CDH18: variants seen among roughly 807,000 people sequenced by gnomAD.
CDH18 encodes cadherin 18, also known as cadherin-18.
A neutral mutation model predicts 67.9 loss-of-function variants in CDH18; 31 were observed. The observed-to-expected ratio is 0.46, with a 90% CI of 0.34 to 0.62. The LOEUF is 0.62. Ranked by LOEUF, CDH18 falls within the 20% of genes least tolerant of loss-of-function variation. The pLI, the probability that CDH18 is intolerant of heterozygous loss-of-function variation, is 0.01. For synonymous variants in CDH18, 362 were observed against 347.2 expected, an observed-to-expected ratio of 1.04 and a Z score of -0.48; for missense variants, 890 against 975.5, an observed-to-expected ratio of 0.91 and a Z score of 1.17.
chr5:19,499,256 T>A (rs1182377726), intron 11 of CDH18, among the ~76,000 whole-genome samples: 2 of 152,190 alleles, frequency 1.3e-5, no homozygotes, highest in African/African-American at 2.4e-5. Flanking sequence ...GACATTACAG[T>A]TACAGTCTTT....
intron 3 of CDH18, among the ~76,000 whole-genome samples, chr5:19,819,116 A>T (rs2149935388): frequency 6.6e-6 from 1 of 151,974 alleles, no homozygotes; most frequent in Non-Finnish European, 1.5e-5. Context: ...ATCATTTATT[A>T]TTACAAAGTT....
chr5:19,820,973 C>CA (rs1474138209), intron 3 of CDH18, among the ~76,000 whole-genome samples: 2 of 152,022 alleles, frequency 1.3e-5, no homozygotes, highest in African/African-American at 4.8e-5. Flanking sequence ...ACAGAAACTT[C>CA]AAAAAAATAA....
intron 1 of CDH18, among the ~76,000 whole-genome samples, chr5:20,267,288 CTA>C (rs1246661793): frequency 6.6e-6 from 1 of 152,044 alleles, no homozygotes; most frequent in African/African-American, 2.4e-5. Flanking sequence ...TTCCATTTTT[CTA>C]TGTGTTTATT....
chr5:19,580,128 T>A (rs1381799676), intron 7 of CDH18, among the ~76,000 whole-genome samples: 1 of 151,852 alleles, frequency 6.6e-6, no homozygotes, highest in Non-Finnish European at 1.5e-5. Flanking sequence ...CTAAGGTAAT[T>A]AGCATATTGT....
intron 8 of CDH18, among the ~76,000 whole-genome samples, chr5:19,546,924 A>C (rs1736425824): frequency 6.6e-6 from 1 of 152,194 alleles, no homozygotes; most frequent in South Asian, 2.1e-4. Flanking sequence ...GTATATGTTA[A>C]TTGAAAAAAG....
At chr5:20,089,357 T>A (rs1745236764) in intron 2 of CDH18, among the ~76,000 whole-genome samples, 1 of 152,152 alleles carries the variant, frequency 6.6e-6, no homozygotes, top group Non-Finnish European at 1.5e-5. Flanking sequence ...TATGTGTATA[T>A]CAAGTGATTA....
rs937310517 is a variant in CDH18 at position 19,732,277 on chromosome 5, C to CA, written c.524-10812dup. ...GCAACATAGAGATACCTAGTTTCTACAAAAAAAAAAGTTTTTAAAATAAAA... is the reference window on the plus strand; with the variant it reads ...GCAACATAGAGATACCTAGTTTCTACAAAAAAAAAAAGTTTTTAAAATAAAA... On this transcript the variant is annotated intron_variant, in intron 4 of 12. Coordinates refer to ENST00000382275, the MANE Select transcript of CDH18 (RefSeq NM_004934.5). Among the ~76,000 whole-genome samples the CA allele has an allele frequency of 5.6e-4, 82 of 145,156 alleles. 1 individual carries two copies. The South Asian group carries it at 9.6e-3, about 17-fold the overall frequency.
intron 5 of CDH18, among the ~76,000 whole-genome samples, chr5:19,711,396 TACAACAACA>T (rs112963492): frequency 4.0e-5 from 6 of 150,638 alleles, no homozygotes; most frequent in South Asian, 2.1e-4. Context: ...ACTCATAAAC[TACAACAACA>T]ACAACAACAA....
chr5:20,560,468 TACACAC>T (rs547246325), intron 1 of CDH18, among the ~76,000 whole-genome samples: 4,818 of 127,672 alleles, frequency 0.038, 85 homozygotes, highest in Middle Eastern at 0.1. Context: ...CCAACACTCA[TACACAC>T]ACACACACAC....
intron 2 of CDH18, among the ~76,000 whole-genome samples, chr5:19,931,102 T>A (rs981383972): frequency 3.9e-5 from 6 of 152,012 alleles, no homozygotes; most frequent in African/African-American, 1.4e-4. Context: ...ACATGAGGTA[T>A]AGCATTTAAA....
intron 1 of CDH18, among the ~76,000 whole-genome samples, chr5:20,527,301 G>T (rs1283932559): frequency 6.6e-6 from 1 of 152,040 alleles, no homozygotes; most frequent in Middle Eastern, 3.2e-3. Context: ...GTACCCAAAA[G>T]AGATGAGGAA....
chr5:20,133,947 C>T (rs1350391941), intron 2 of CDH18, among the ~76,000 whole-genome samples: 1 of 152,104 alleles, frequency 6.6e-6, no homozygotes, highest in Non-Finnish European at 1.5e-5. Flanking sequence ...ATATGTCTTA[C>T]AACTTTTGAT....
intron 2 of CDH18, among the ~76,000 whole-genome samples, chr5:19,974,708 A>C (rs1579900250): frequency 6.6e-6 from 1 of 152,122 alleles, no homozygotes. Context: ...GAATAGAGGC[A>C]AGAGATAGGA....
chr5:20,519,016 A>G (rs936911291), intron 1 of CDH18, among the ~76,000 whole-genome samples: 10 of 152,138 alleles, frequency 6.6e-5, no homozygotes, highest in African/African-American at 2.4e-4. Flanking sequence ...TATTTAGAAA[A>G]CAGAAAAAGC....
chr5:20,372,601 A>G (rs1397759784), intron 1 of CDH18, among the ~76,000 whole-genome samples: 1 of 152,218 alleles, frequency 6.6e-6, no homozygotes, highest in Non-Finnish European at 1.5e-5. Flanking sequence ...ATCAGTTAAT[A>G]GTTAATTTAG....
In CDH18 at chr5:19,906,999, T is replaced by C. The variant is rs116686381; in HGVS notation, c.-256-67757A>G. Among the ~76,000 whole-genome samples, 882 of 152,042 alleles carry C rather than the reference T, an allele frequency of 5.8e-3. 12 individuals carry two copies. The highest frequency in any genetic ancestry group is 0.02 in the African/African-American group (836 of 41,530). ...AAGATAACTTTCAAATGATAAATAA[T>C]AAAATAATAGTGTTTTGTCTACTCT... On this transcript the variant is annotated intron_variant, in intron 2 of 12. Coordinates refer to ENST00000382275, the MANE Select transcript of CDH18 (RefSeq NM_004934.5).
At chr5:19,662,200 A>G (rs1446893774) in intron 5 of CDH18, among the ~76,000 whole-genome samples, 1 of 151,396 alleles carries the variant, frequency 6.6e-6, no homozygotes, top group Non-Finnish European at 1.5e-5. Flanking sequence ...ACAAAGATAT[A>G]TATTCTTTTA....
intron 5 of CDH18, among the ~76,000 whole-genome samples, chr5:19,620,774 TG>T (rs1750569943): frequency 6.6e-6 from 1 of 152,132 alleles, no homozygotes; most frequent in South Asian, 2.1e-4. Flanking sequence ...CTGTCTTTCT[TG>T]CTGATATATT....
chr5:20,441,345 G>A lies in CDH18; in HGVS notation c.-580+134117C>T, dbSNP rs756532181. 9.2e-5 allele frequency among the ~76,000 whole-genome samples: 14 copies of A among 151,706 alleles called. 1 individual carries two copies. The highest frequency in any genetic ancestry group is 2.7e-4 in the African/African-American group (11 of 41,082). On this transcript the variant is annotated intron_variant, in intron 1 of 14. Transcript: ENST00000507958. ...AATAATTGATAATCAATATCTAAAC[G>A]GGAGGGTCGCTATAATTGCACGTGT...
Sources: allele counts gnomAD v4.1 joint callset (sites outside exome capture counted in the v4.1 genomes callset), GRCh38; gene constraint gnomAD v4.1.1; transcripts MANE v1.5; gene names NCBI Gene and HGNC (gene_info 2026-07-23, HGNC 2026-07-21).